The following ST7L variants were observed in gnomAD, a reference collection of about 807,000 sequenced individuals.
The protein encoded by ST7L is suppression of tumorigenicity 7 like.
Under a neutral mutation model 72.5 loss-of-function variants are expected in ST7L, and 57 were observed. The observed-to-expected ratio is 0.79, with a 90% CI of 0.64 to 0.98. The LOEUF (loss-of-function observed/expected upper bound fraction) is 0.98. Ranked by LOEUF, ST7L falls within the 50% of genes least tolerant of loss-of-function variation. ST7L has a pLI of 0.00. For missense variants in ST7L, 576 were observed against 672.2 expected (o/e 0.86, Z 1.58); for synonymous variants, 221 against 240.9 (o/e 0.92, Z 0.77).
At chr1:112,576,546 C>T (rs2101824034) in intron 11 of ST7L, among the ~76,000 whole-genome samples, 1 of 152,316 alleles carries the variant, frequency 6.6e-6, no homozygotes, top group East Asian at 1.9e-4. Context: ...TCCACATCTG[C>T]CTCCTATCAT....
chr1:112,563,639 CAA>C (rs750309470), intron 11 of ST7L, among the ~76,000 whole-genome samples: 3 of 152,086 alleles, frequency 2.0e-5, no homozygotes, highest in African/African-American at 4.8e-5. Context: ...ATGAGTAAAA[CAA>C]GAGAATTTAG....
At position 112,571,183 on chromosome 1, in the gene ST7L, T is replaced by C. The variant is rs187810438; in HGVS notation, c.1245+5803A>G. On this transcript the variant is annotated intron_variant, in intron 11 of 14. Coordinates refer to ENST00000358039, the MANE Select transcript of ST7L (RefSeq NM_017744.5). ...AGACTGTCTCAAAAAAACCAAATTC[T>C]TCAAAAAAACCTTAATAATTATTGT... 4.3e-5 allele frequency: 17 copies of C among 396,022 alleles called. No homozygotes were observed. In the Admixed American group the frequency reaches 4.7e-4, roughly 11 times the overall value. The allele number at this position is 396,022 out of a possible 1,614,324, so 24.5% of individuals were successfully genotyped here.
intron 11 of ST7L, chr1:112,570,835 A>G (rs1348359111): frequency 8.9e-6 from 4 of 447,384 alleles, no homozygotes; most frequent in Non-Finnish European, 1.8e-5. Flanking sequence ...GTGAGATATT[A>G]TTCAGGTTGG....
intron 11 of ST7L, among the ~76,000 whole-genome samples, chr1:112,564,817 C>CAAAAAAAAAAAAAAAAAAA: frequency 2.3e-5 from 1 of 43,114 alleles, no homozygotes; most frequent in Non-Finnish European, 6.0e-5. Context: ...AACTGCATCT[C>CAAAAAAAAAAAAAAAAAAA]AAAAAAAAAA....
chr1:112,553,967 G>A (rs1156240009), intron 12 of ST7L, among the ~76,000 whole-genome samples: 1 of 152,076 alleles, frequency 6.6e-6, no homozygotes, highest in East Asian at 1.9e-4. Flanking sequence ...CTTTTGGGAG[G>A]CCTCAGCCTC....
chr1:112,550,753 G>A, intron 12 of ST7L, 60 bp from the exon 13 acceptor site: 3 of 1,350,956 alleles, frequency 2.2e-6, no homozygotes, highest in Non-Finnish European at 3.1e-6. Flanking sequence ...TCCTATATTT[G>A]GAGACAAATT....
chr1:112,580,883 G>A (rs1197969055), intron 9 of ST7L, among the ~76,000 whole-genome samples: 2 of 152,190 alleles, frequency 1.3e-5, no homozygotes, highest in African/African-American at 4.8e-5. Flanking sequence ...AGCCGAGATT[G>A]CACCACTGCA....
At chr1:112,531,613 A>G (rs1256489440) in intron 14 of ST7L, among the ~76,000 whole-genome samples, 1 of 152,214 alleles carries the variant, frequency 6.6e-6, no homozygotes. Context: ...TGAATATTCA[A>G]GGATGAACTC....
intron 11 of ST7L, among the ~76,000 whole-genome samples, chr1:112,571,717 C>T (rs1468628174): frequency 6.6e-6 from 1 of 152,196 alleles, no homozygotes; most frequent in African/African-American, 2.4e-5. Context: ...TGAGCCACCA[C>T]GCCCAGCCTA....
chr1:112,617,009 G>A, intron 1 of ST7L, 114 bp from the exon 2 acceptor site: 1 of 647,734 alleles, frequency 1.5e-6, no homozygotes, highest in Non-Finnish European at 2.7e-6. Context: ...AATATCTAGT[G>A]TGAAATTCAC....
chr1:112,585,932 T>C (rs1421281205), intron 6 of ST7L, among the ~76,000 whole-genome samples: 7 of 152,142 alleles, frequency 4.6e-5, no homozygotes, highest in African/African-American at 9.7e-5. Context: ...AGACCAAGCA[T>C]TAAACAAAAG....
intron 14 of ST7L, among the ~76,000 whole-genome samples, chr1:112,533,720 A>G (rs551754505): frequency 6.6e-6 from 1 of 152,262 alleles, no homozygotes; most frequent in East Asian, 1.9e-4. Context: ...TGGTGTTGCT[A>G]TCATGGCTTA....
chr1:112,568,791 C>T (rs1187205550), intron 11 of ST7L, among the ~76,000 whole-genome samples: 2 of 148,082 alleles, frequency 1.4e-5, no homozygotes, highest in Non-Finnish European at 3.0e-5. Flanking sequence ...AGGAGGATCC[C>T]TGGAGCCCAG....
At chr1:112,569,957 C>CAAAAAAAAAA (rs750153250) in intron 11 of ST7L, among the ~76,000 whole-genome samples, 1 of 73,356 alleles carries the variant, frequency 1.4e-5, no homozygotes. Flanking sequence ...GATTCTGTCT[C>CAAAAAAAAAA]AAAAAAAAAA....
At chr1:112,588,833 C>T (rs1053776187) in intron 6 of ST7L, among the ~76,000 whole-genome samples, 3 of 152,130 alleles carry the variant, frequency 2.0e-5, no homozygotes, top group African/African-American at 4.8e-5. Flanking sequence ...ATTCTTTCTG[C>T]CCTTTTCTCT....
chr1:112,599,988 T>C (rs775756894), intron 4 of ST7L, among the ~76,000 whole-genome samples: 10 of 152,182 alleles, frequency 6.6e-5, no homozygotes, highest in Non-Finnish European at 1.2e-4. Flanking sequence ...GAGTATTACT[T>C]GGGCCCAGAA....
At chr1:112,608,510 T>G (rs1307911098) in intron 3 of ST7L, among the ~76,000 whole-genome samples, 2 of 152,190 alleles carry the variant, frequency 1.3e-5, no homozygotes, top group African/African-American at 4.8e-5. Flanking sequence ...TACTGTCAAT[T>G]TATTTATATC....
At position 112,597,996 on chromosome 1, in the gene ST7L, T is replaced by A. The variant is rs756639072; in HGVS notation, c.597A>T (p.Thr199=). Residue 199 remains threonine, a synonymous_variant, in exon 5 of 15, where the codon ACA becomes ACT. Coordinates refer to ENST00000358039, the MANE Select transcript of ST7L (RefSeq NM_017744.5). The part of the protein sequence containing the change: ...QDHQTFFTCD[T]DFLRPSDTVM... ...CTGTGTCTGAAGGACGTAAAAAATC[T>A]GTGTCACAGGTGAAAAAGGTCTGAT... 8.7e-6 allele frequency: 14 copies of A among 1,613,492 alleles called. No homozygotes were observed. The South Asian group carries it at 1.5e-4, about 18-fold the overall frequency.
intron 11 of ST7L, among the ~76,000 whole-genome samples, chr1:112,556,988 A>AC (rs1659282562): frequency 2.1e-5 from 3 of 142,182 alleles, no homozygotes; most frequent in African/African-American, 8.7e-5. Context: ...AAAAAAACAA[A>AC]AAAAAAAAAA....
Sources: gnomAD v4.1 joint callset for allele counts (sites outside exome capture counted in the v4.1 genomes callset) on GRCh38, gnomAD v4.1.1 for gene constraint, MANE v1.5 for transcripts, NCBI Gene and HGNC (gene_info 2026-07-23, HGNC 2026-07-21) for gene names.